The following ELF1 variants were observed in gnomAD, a reference collection of about 807,000 sequenced individuals.
The protein encoded by ELF1 is E74 like ETS transcription factor 1.
ELF1 carries 24 observed loss-of-function variants against 59.9 expected under a neutral mutation model. The ratio of observed to expected loss-of-function variants is 0.40; its 90% CI spans 0.29 to 0.56. The LOEUF (loss-of-function observed/expected upper bound fraction) is 0.56. ELF1 is among the 20% of genes least tolerant of loss of function. The pLI is 0.44. For synonymous variants in ELF1, 248 were observed against 266.2 expected, an observed-to-expected ratio of 0.93 and a Z score of 0.67; for missense variants, 627 against 742.2, an observed-to-expected ratio of 0.84 and a Z score of 1.80.
At chr13:40,995,583 C>T (rs1052986257) in intron 1 of ELF1, among the ~76,000 whole-genome samples, 1 of 151,748 alleles carries the variant, frequency 6.6e-6, no homozygotes, top group African/African-American at 2.4e-5. Flanking sequence ...AGTCAACCAT[C>T]TTTGTCAAGG....
chr13:40,985,114 T>C (rs1873486752), intron 1 of ELF1, among the ~76,000 whole-genome samples: 1 of 152,206 alleles, frequency 6.6e-6, no homozygotes. Context: ...AAACTGAAAA[T>C]GTGTAAGCAA....
At chr13:40,990,165 G>T (rs1435476231) in intron 1 of ELF1, among the ~76,000 whole-genome samples, 1 of 152,122 alleles carries the variant, frequency 6.6e-6, no homozygotes, top group Non-Finnish European at 1.5e-5. Flanking sequence ...GGTTAAAGCT[G>T]GTAGGAAATA....
chr13:40,951,526 C>T, intron 3 of ELF1, 90 bp from the exon 4 acceptor site: 1 of 856,240 alleles, frequency 1.2e-6, no homozygotes, highest in Non-Finnish European at 1.8e-6. Context: ...AACCAGAATA[C>T]ATCATTTAAT....
chr13:40,996,775 A>G (rs917438281), intron 1 of ELF1, among the ~76,000 whole-genome samples: 8 of 152,062 alleles, frequency 5.3e-5, no homozygotes, highest in Non-Finnish European at 1.0e-4. Flanking sequence ...TCTAAAAAAT[A>G]AAGTCTTTTT....
chr13:40,960,491 T>C (rs1276270958), intron 2 of ELF1, among the ~76,000 whole-genome samples: 1 of 152,230 alleles, frequency 6.6e-6, no homozygotes, highest in African/African-American at 2.4e-5. Flanking sequence ...CAGTTTGCAT[T>C]TTTGGTAGGA....
chr13:40,943,850 T>C lies in ELF1; in HGVS notation c.605A>G (p.Asp202Gly), dbSNP rs1870338596. ...GTATTACACAGTAGTACCCTTTCCA[T>C]CTTTGTTTTTCTTCTTCACAGATAT... is the stretch of plus-strand genomic sequence containing the variant. The part of the protein sequence containing the change: ...PNISVKKKNK[D>G]GKGNTIYLWE... Residue 202 changes from aspartate (D) to glycine (G), a missense_variant, in exon 6 of 9, where the codon GAT (aspartate) becomes GGT (glycine). This residue lies in a region of ELF1 where 232 missense variants were observed against 269.2 expected (regional missense o/e 0.86). Transcript: ENST00000239882. 1.2e-6 allele frequency: 2 copies of C among 1,613,378 alleles called. No homozygotes were observed. Among genetic ancestry groups the C allele is most frequent in the African/African-American group, 2.7e-5 (2 of 74,904 alleles).
chr13:41,061,190 G>A (rs1877599726), exon 1 of ELF1: 1 of 206,136 alleles, frequency 4.9e-6, no homozygotes, highest in East Asian at 1.1e-4. Context: ...GCAAAGTTGA[G>A]AGCGGAGACG....
Position 40,940,835 on chromosome 13 carries a change from T to C in ELF1, c.1256+86A>G, listed in dbSNP as rs1371948054. 6 of 1,400,930 alleles carry C rather than the reference T, an allele frequency of 4.3e-6. No homozygotes were observed. In the Admixed American group the frequency reaches 7.6e-5, roughly 18 times the overall value. The allele number at this position is 1,400,930 out of a possible 1,614,324, so 86.8% of individuals were successfully genotyped here. ...TGAAACCTTTATACTTTTATTTTCA[T>C]TTCTGAATCTTGACCCACTTAACAA... On this transcript the variant is annotated intron_variant, in intron 8 of 8. Transcript: ENST00000239882.
At chr13:40,981,940 C>A in intron 2 of ELF1, 43 bp downstream of exon 2, 1 of 1,580,158 alleles carries the variant, frequency 6.3e-7, no homozygotes, top group South Asian at 1.2e-5. Flanking sequence ...ATAGAAAAAT[C>A]ATAATAAAGT....
chr13:40,981,358 G>A (rs1287281149), intron 2 of ELF1, among the ~76,000 whole-genome samples: 1 of 151,918 alleles, frequency 6.6e-6, no homozygotes, highest in Non-Finnish European at 1.5e-5. Flanking sequence ...TGGGGAGGGG[G>A]GAAGGAGACT....
At chr13:41,027,205 T>C (rs892421172) in intron 1 of ELF1, among the ~76,000 whole-genome samples, 5 of 152,106 alleles carry the variant, frequency 3.3e-5, no homozygotes, top group Admixed American at 6.6e-5. Flanking sequence ...AACCAGAAAA[T>C]TGGTGACAAA....
At position 41,002,213 on chromosome 13, in the gene ELF1, T is replaced by G. The variant is rs1468918740; in HGVS notation, c.-229+17015A>C. On this transcript the variant is annotated intron_variant, in intron 1 of 8. Transcript: ENST00000239882. ...CCTTCATTTTGATTTAATTTTGACTTTGAGCCAACTGAAATGTGACACTGT... is the reference window on the plus strand; with the variant it reads ...CCTTCATTTTGATTTAATTTTGACTGTGAGCCAACTGAAATGTGACACTGT... Among the ~76,000 whole-genome samples, 4 of 152,302 alleles carry G rather than the reference T, an allele frequency of 2.6e-5. No homozygotes were observed. In the East Asian group the frequency reaches 5.8e-4, roughly 22 times the overall value.
At chr13:41,047,763 T>C (rs756346024) in intron 1 of ELF1, among the ~76,000 whole-genome samples, 5 of 152,188 alleles carry the variant, frequency 3.3e-5, no homozygotes, top group Non-Finnish European at 5.9e-5. Flanking sequence ...TGTTCTCAGA[T>C]CTCAAACTCT....
chr13:40,988,827 G>C (rs1020054054), intron 1 of ELF1, among the ~76,000 whole-genome samples: 1 of 152,122 alleles, frequency 6.6e-6, no homozygotes, highest in East Asian at 1.9e-4. Context: ...TTGAGACAGA[G>C]TCTTGCTCTA....
chr13:40,961,040 C>T (rs909454594), intron 2 of ELF1, among the ~76,000 whole-genome samples: 2 of 152,118 alleles, frequency 1.3e-5, no homozygotes, highest in African/African-American at 2.4e-5. Context: ...TGCTATTTTC[C>T]TTAAGTAAGT....
At chr13:41,041,562 C>G (rs1312376958) in intron 1 of ELF1, among the ~76,000 whole-genome samples, 2 of 152,062 alleles carry the variant, frequency 1.3e-5, no homozygotes, top group African/African-American at 4.8e-5. Context: ...GTAGTCCCAC[C>G]TACTTCAGAG....
rs1164306892 is a variant in ELF1 at position 41,016,914 on chromosome 13, C to CAAA, written c.-229+2311_-229+2313dup. ...GGGCAACAAGAGTGAAACTCCGTCT[C>CAAA]AAAAAAAAAAAAAAAAAAAAAAAAA... is the stretch of plus-strand genomic sequence containing the variant. On this transcript the variant is annotated intron_variant, in intron 1 of 8. Coordinates refer to ENST00000239882, the MANE Select transcript of ELF1 (RefSeq NM_172373.4). 4.6e-4 allele frequency among the ~76,000 whole-genome samples: 6 copies of CAAA among 12,908 alleles called. 1 individual carries two copies. Among genetic ancestry groups the CAAA allele is most frequent in the Non-Finnish European group, 7.1e-4 (5 of 7,058 alleles). 8.5% of individuals were successfully genotyped at this position (12,908 alleles called of 152,430 possible).
At chr13:40,956,296 CAT>C (rs1183361077) in intron 3 of ELF1, among the ~76,000 whole-genome samples, 1 of 152,008 alleles carries the variant, frequency 6.6e-6, no homozygotes, top group East Asian at 1.9e-4. Context: ...CTCTCTGAAA[CAT>C]GTGCTGTGTC....
intron 1 of ELF1, among the ~76,000 whole-genome samples, chr13:41,040,370 A>G (rs1876555935): frequency 6.6e-6 from 1 of 152,240 alleles, no homozygotes; most frequent in African/African-American, 2.4e-5. Context: ...AGTGAAATAT[A>G]AAAGTTACAA....
Sources: allele counts gnomAD v4.1 joint callset (sites outside exome capture counted in the v4.1 genomes callset), GRCh38; gene constraint gnomAD v4.1.1; regional missense constraint gnomAD v4.1.1; transcripts MANE v1.5; gene names NCBI Gene and HGNC (gene_info 2026-07-23, HGNC 2026-07-21).